RNFT1: variants seen among roughly 807,000 people sequenced by gnomAD.
The protein encoded by RNFT1 is E3 ubiquitin-protein ligase RNFT1.
RNFT1 carries 35 observed loss-of-function variants against 53.2 expected under a neutral mutation model. That is an observed-to-expected ratio of 0.66 (90% CI 0.50 to 0.87). The LOEUF (loss-of-function observed/expected upper bound fraction) is 0.87, where lower values mean the gene tolerates loss of function less well. Ranked by LOEUF, RNFT1 falls within the 40% of genes least tolerant of loss-of-function variation. The pLI, the probability that RNFT1 is intolerant of heterozygous loss-of-function variation, is 0.00. For synonymous variants in RNFT1, 141 were observed against 172.8 expected (o/e 0.82, Z 1.44); for missense variants, 421 against 515.0 (o/e 0.82, Z 1.77).
In RNFT1 at chr17:59,952,880, TTTTTC is replaced by T; in HGVS notation, c.*92_*96del. On this transcript the variant is annotated 3_prime_UTR_variant, in exon 9 of 9. Coordinates refer to ENST00000305783, the MANE Select transcript of RNFT1 (RefSeq NM_016125.4). ...TACATTCTAAAACCATCTGGAAACA[TTTTTC>T]TGGTAGCCCTGAAAATCCATTCTGA... 4 of 1,189,860 alleles carry T rather than the reference TTTTTC, an allele frequency of 3.4e-6. No individual in the cohort carries two copies. The highest frequency in any genetic ancestry group is 4.7e-6 in the Non-Finnish European group (4 of 850,968). The allele number at this position is 1,189,860 out of a possible 1,614,324, so 73.7% of individuals were successfully genotyped here.
chr17:59,962,991 C>A lies in RNFT1; in HGVS notation c.350G>T (p.Gly117Val). ...CAGCCTTGCTTCACTGTGGGAGTGACCCCGTAAGCGACTGTGTACACATCC... is the reference window on the plus strand; with the variant it reads ...CAGCCTTGCTTCACTGTGGGAGTGAACCCGTAAGCGACTGTGTACACATCC... Reference protein sequence around the residue: ...AHGCVHSRLRGHSHSEARLTD... With the variant: ...AHGCVHSRLRVHSHSEARLTD... The change falls in exon 2 of 9, where the codon GGT becomes GTT. Residue 117 changes from glycine (G) to valine (V), a missense_variant. Coordinates refer to ENST00000305783, the MANE Select transcript of RNFT1 (RefSeq NM_016125.4). 1.2e-6 allele frequency: 2 copies of A among 1,614,200 alleles called. No individual in the cohort carries two copies. Among genetic ancestry groups the A allele is most frequent in the Non-Finnish European group, 1.7e-6 (2 of 1,180,034 alleles).
chr17:59,956,223 A>G (rs2145115551), intron 7 of RNFT1, among the ~76,000 whole-genome samples: 1 of 152,320 alleles, frequency 6.6e-6, no homozygotes, highest in East Asian at 1.9e-4. Flanking sequence ...TGTCCAGTGG[A>G]TTGAAGAGGC....
Position 59,963,214 on chromosome 17 carries a change from T to C in RNFT1, c.127A>G (p.Ser43Gly). Residue 43 changes from serine to glycine, a missense_variant, in exon 2 of 9, where the codon AGC becomes GGC. Coordinates refer to ENST00000305783, the MANE Select transcript of RNFT1 (RefSeq NM_016125.4). ...KYLRAMQANR[S>G]QLHSPPGTGS... ...GTTCCTGGAGGACTGTGCAGTTGGC[T>C]ACGATTGGCTTGCATGGCCCTTAAA... 6.2e-7 allele frequency: 1 copy of C among 1,614,162 alleles called. No individual in the cohort carries two copies. Among genetic ancestry groups the C allele is most frequent in the Non-Finnish European group, 8.5e-7 (1 of 1,180,034 alleles).
chr17:59,963,128 A>T lies in RNFT1; in HGVS notation c.213T>A (p.Gly71=). 1 of 1,614,120 alleles carries T rather than the reference A, an allele frequency of 6.2e-7. No individual in the cohort carries two copies. The highest frequency in any genetic ancestry group is 8.5e-7 in the Non-Finnish European group (1 of 1,180,020). The change falls in exon 2 of 9, where the codon GGT becomes GGA. Residue 71 remains glycine, a synonymous_variant. Coordinates refer to ENST00000305783, the MANE Select transcript of RNFT1 (RefSeq NM_016125.4). ...GAACATCTCCAGAATGAGGGCAAGA[A>T]CCCTCTCCTGTCAATCTTGTGTGGA... ...QCVHTRLTGE[G]SCPHSGDVHI...
intron 6 of RNFT1, 72 bp from the exon 7 acceptor site, chr17:59,956,625 A>G (rs2045256052): frequency 9.4e-7 from 1 of 1,062,512 alleles, no homozygotes; most frequent in Non-Finnish European, 1.4e-6. Flanking sequence ...ACCAAAGCTG[A>G]AATCCCATAA....
At position 59,963,031 on chromosome 17, in the gene RNFT1, G is replaced by A. The variant is rs544648803; in HGVS notation, c.310C>T (p.His104Tyr). Reference sequence around the variant, plus strand: ...TGTACACATCCATGGGCACAGCTATGGACACCTGACCTTATATTTCTGGAG... The same window carrying A: ...TGTACACATCCATGGGCACAGCTATAGACACCTGACCTTATATTTCTGGAG... Reference protein sequence around the residue: ...ASSRNIRSGVHSCAHGCVHSR... With the variant: ...ASSRNIRSGVYSCAHGCVHSR... Residue 104 changes from histidine (H) to tyrosine (Y), a missense_variant, in exon 2 of 9, where the codon CAT becomes TAT. His to Tyr is a moderately conservative substitution (Grantham distance 83, BLOSUM62 2). Transcript: ENST00000305783. 3.7e-6 allele frequency: 6 copies of A among 1,614,180 alleles called. No individual in the cohort carries two copies. Among genetic ancestry groups the A allele is most frequent in the African/African-American group, 1.3e-5 (1 of 75,036 alleles).
rs113569159 is a variant in RNFT1 at position 59,958,589 on chromosome 17, T to G, written c.693-145A>C. 1.8e-3 allele frequency: 1,297 copies of G among 736,946 alleles called. 18 individuals are homozygous for G. The African/African-American group carries it at 0.02, about 12-fold the overall frequency. The allele number at this position is 736,946 out of a possible 1,614,324, so 45.7% of individuals were successfully genotyped here. A position where few individuals can be genotyped will look rare whatever the true frequency, so the allele number is the denominator to read the frequency against. On this transcript the variant is annotated intron_variant, in intron 4 of 8. Transcript: ENST00000305783. ...GATGTCAGAGTTCACAATAATGGAA[T>G]GGAGGATCATTTTGCTTAAAGAGAC...
At chr17:59,953,585 G>A (rs1469108455) in intron 8 of RNFT1, among the ~76,000 whole-genome samples, 1 of 152,198 alleles carries the variant, frequency 6.6e-6, no homozygotes, top group Non-Finnish European at 1.5e-5. Context: ...AAGACAAAGA[G>A]CAGTATGATT....
intron 8 of RNFT1, among the ~76,000 whole-genome samples, chr17:59,953,393 G>A (rs111918363): frequency 0.13 from 19,688 of 151,940 alleles, 1,514 homozygotes; most frequent in Middle Eastern, 0.22. Flanking sequence ...TAGAGACAGG[G>A]TTTCACCATG....
At chr17:59,958,475 G>C (rs746301020) in intron 4 of RNFT1, 31 bp from the exon 5 acceptor site, 23 of 1,469,000 alleles carry the variant, frequency 1.6e-5, no homozygotes, top group Admixed American at 4.5e-5. Flanking sequence ...AAATTTATCA[G>C]AGCAACATAC....
Position 59,964,716 on chromosome 17 carries a change from C to G in RNFT1, c.-53G>C. The G allele has an allele frequency of 6.5e-7, 1 of 1,534,862 alleles. No individual in the cohort carries two copies. ...CCATCAACCGCAAACCCCGCAAGCT[C>G]TTCTCTCAGCCCGGCGGCAACGGCG... is the stretch of plus-strand genomic sequence containing the variant. On this transcript the variant is annotated 5_prime_UTR_variant, in exon 1 of 9. Coordinates refer to ENST00000305783, the MANE Select transcript of RNFT1 (RefSeq NM_016125.4).
intron 7 of RNFT1, among the ~76,000 whole-genome samples, chr17:59,954,548 T>C (rs1436161919): frequency 1.3e-5 from 2 of 152,062 alleles, no homozygotes; most frequent in African/African-American, 4.8e-5. Context: ...CAGCCAGAGG[T>C]TGGCTGGTTG....
intron 4 of RNFT1, among the ~76,000 whole-genome samples, chr17:59,959,197 C>T (rs1455768794): frequency 6.6e-6 from 1 of 152,166 alleles, no homozygotes; most frequent in African/African-American, 2.4e-5. Flanking sequence ...TCCTCAAAAT[C>T]AGTTCCTTCC....
At chr17:59,960,011 G>T in intron 4 of RNFT1, 57 bp downstream of exon 4, 1 of 1,529,456 alleles carries the variant, frequency 6.5e-7, no homozygotes, top group Non-Finnish European at 8.9e-7. Flanking sequence ...GATACAAAGT[G>T]CTATGAAATA....
chr17:59,958,685 GT>G, intron 4 of RNFT1: 1 of 553,836 alleles, frequency 1.8e-6, no homozygotes, highest in South Asian at 1.5e-5. Flanking sequence ...GTTTGTCATA[GT>G]TGACACCTTT....
Position 59,957,296 on chromosome 17 carries a change from G to C in RNFT1, c.933C>G (p.Ser311Arg). The part of the protein sequence containing the change: ...PIPVWFRYLI[S>R]YGEFGNVTRW... ...TAGTTACGTTACCAAACTCCCCATAGCTTATAAGGTAGCGAAACCAAACTG... is the reference window on the plus strand; with the variant it reads ...TAGTTACGTTACCAAACTCCCCATACCTTATAAGGTAGCGAAACCAAACTG... Residue 311 changes from serine (S) to arginine (R), a missense_variant, in exon 6 of 9, where the codon AGC becomes AGG. Transcript: ENST00000305783. The C allele has an allele frequency of 6.2e-7, 1 of 1,613,896 alleles. No homozygotes were observed. Among genetic ancestry groups the C allele is most frequent in the Non-Finnish European group, 8.5e-7 (1 of 1,179,950 alleles).
chr17:59,964,532 T>C, intron 1 of RNFT1, 76 bp downstream of exon 1: 1 of 1,379,730 alleles, frequency 7.2e-7, no homozygotes, highest in Non-Finnish European at 1.0e-6. Context: ...GAGCCTCGAG[T>C]GCCTATTCTC....
rs1328225468 is a variant in RNFT1 at position 59,952,259 on chromosome 17, A to AT, written c.*717dup. The AT allele has an allele frequency of 1.3e-5, 2 of 152,200 alleles. No individual in the cohort carries two copies. Among genetic ancestry groups the AT allele is most frequent in the Non-Finnish European group, 2.9e-5 (2 of 68,032 alleles). 9.4% of individuals were successfully genotyped at this position (152,200 alleles called of 1,614,324 possible). A position where few individuals can be genotyped will look rare whatever the true frequency, so the allele number is the denominator to read the frequency against. On this transcript the variant is annotated 3_prime_UTR_variant, in exon 9 of 9. Transcript: ENST00000305783. ...CAGCTGTTTATAATCCACATGAATT[A>AT]TTTTAATAGTTACTTCGAGATACTC...
rs2045229433 is a variant in RNFT1 at position 59,952,812 on chromosome 17, G to A, written c.*165C>T. ...AACATTATATATATTTTAAAACACAGGGTGGTTTCATTTAATCTTTTGGTG... is the reference window on the plus strand; with the variant it reads ...AACATTATATATATTTTAAAACACAAGGTGGTTTCATTTAATCTTTTGGTG... On this transcript the variant is annotated 3_prime_UTR_variant, in exon 9 of 9. Coordinates refer to ENST00000305783, the MANE Select transcript of RNFT1 (RefSeq NM_016125.4). 1 of 558,816 alleles carries A rather than the reference G, an allele frequency of 1.8e-6. No homozygotes were observed. Among genetic ancestry groups the A allele is most frequent in the Non-Finnish European group, 3.1e-6 (1 of 323,242 alleles). 34.6% of individuals were successfully genotyped at this position (558,816 alleles called of 1,614,324 possible).
Sources: allele counts gnomAD v4.1 joint callset (sites outside exome capture counted in the v4.1 genomes callset), GRCh38; gene constraint gnomAD v4.1.1; transcripts MANE v1.5; gene names NCBI Gene and HGNC (gene_info 2026-07-23, HGNC 2026-07-21).